The following KCNIP4 variants were observed in gnomAD, a reference collection of about 807,000 sequenced individuals.
KCNIP4 encodes potassium voltage-gated channel interacting protein 4.
Under a neutral mutation model 34.0 loss-of-function variants are expected in KCNIP4, and 12 were observed. The observed-to-expected ratio is 0.35, with a 90% confidence interval of 0.23 to 0.57. The LOEUF (loss-of-function observed/expected upper bound fraction) is 0.57. Among genes scored for constraint, KCNIP4 ranks in the 20% least tolerant of loss-of-function variants. The probability of loss-of-function intolerance (pLI) is 0.83; values close to 1 mark genes in which losing one functional copy is unlikely to be tolerated. For missense variants in KCNIP4, 238 were observed against 311.7 expected (o/e 0.76, Z 1.78); for synonymous variants, 124 against 102.2 (o/e 1.21, Z -1.29).
chr4:21,473,130 G>A (rs552792402), intron 1 of KCNIP4, among the ~76,000 whole-genome samples: 12 of 152,260 alleles, frequency 7.9e-5, no homozygotes, highest in African/African-American at 2.9e-4. Flanking sequence ...ACTGGATATC[G>A]AAATGAAGAT....
chr4:21,008,965 G>T (rs1423456105), intron 1 of KCNIP4, among the ~76,000 whole-genome samples: 3 of 151,992 alleles, frequency 2.0e-5, no homozygotes, highest in Admixed American at 1.3e-4. Context: ...AGGATCACAG[G>T]ATTTCTTCTG....
chr4:21,486,554 C>A (rs1731928656), intron 1 of KCNIP4, among the ~76,000 whole-genome samples: 2 of 152,182 alleles, frequency 1.3e-5, no homozygotes, highest in South Asian at 4.2e-4. Flanking sequence ...CTAATTCTAA[C>A]CCTCCATAAT....
Position 21,544,976 on chromosome 4 carries a change from G to A in KCNIP4, c.61+403595C>T, listed in dbSNP as rs543802785. On this transcript the variant is annotated intron_variant, in intron 1 of 8. Coordinates refer to ENST00000382152, the MANE Select transcript of KCNIP4 (RefSeq NM_025221.6). ...CTTGAATAGGGGCTGGGTAAAATAA[G>A]GCTGAGATCTGCTGGGCTGCATTCC... 7.2e-5 allele frequency among the ~76,000 whole-genome samples: 11 copies of A among 152,214 alleles called. No homozygotes were observed. In the East Asian group the frequency reaches 2.1e-3, roughly 29 times the overall value.
rs373626204 is a variant in KCNIP4 at position 21,520,270 on chromosome 4, ACACT to A, written c.61+428297_61+428300del. ...GCATCCTTCAATCCCAATCAAGTTG[ACACT>A]CAGTATTAACCATCACAAGGCCCCT... On this transcript the variant is annotated intron_variant, in intron 1 of 8. Transcript: ENST00000382152. 3.0e-3 allele frequency among the ~76,000 whole-genome samples: 456 copies of A among 152,196 alleles called. 3 individuals carry two copies. The highest frequency in any genetic ancestry group is 0.01 in the African/African-American group (434 of 41,512).
At chr4:20,835,806 G>A (rs533207615) in intron 3 of KCNIP4, among the ~76,000 whole-genome samples, 9 of 152,046 alleles carry the variant, frequency 5.9e-5, no homozygotes, top group African/African-American at 1.7e-4. Flanking sequence ...CTTAGTAAAT[G>A]GTAAGAATAC....
chr4:20,860,484 A>G (rs546457970), intron 2 of KCNIP4, among the ~76,000 whole-genome samples: 1 of 152,302 alleles, frequency 6.6e-6, no homozygotes, highest in African/African-American at 2.4e-5. Context: ...AAATGTATCC[A>G]TTTGTCATTC....
At chr4:21,427,593 G>T (rs553502554) in intron 1 of KCNIP4, among the ~76,000 whole-genome samples, 1 of 152,100 alleles carries the variant, frequency 6.6e-6, no homozygotes, top group African/African-American at 2.4e-5. Context: ...AGGGTAACTC[G>T]AAGGGACTGA....
intron 1 of KCNIP4, among the ~76,000 whole-genome samples, chr4:21,274,215 C>T (rs969686390): frequency 6.6e-6 from 1 of 152,174 alleles, no homozygotes; most frequent in Non-Finnish European, 1.5e-5. Flanking sequence ...CTTCCACTTG[C>T]TGTGAAGTAC....
intron 1 of KCNIP4, among the ~76,000 whole-genome samples, chr4:21,873,828 T>C (rs1725945328): frequency 6.6e-6 from 1 of 152,300 alleles, no homozygotes; most frequent in East Asian, 1.9e-4. Flanking sequence ...GGGTGAAAGA[T>C]TCAGCAGGCT....
intron 1 of KCNIP4, among the ~76,000 whole-genome samples, chr4:21,827,503 A>G (rs1026738495): frequency 2.6e-5 from 4 of 152,070 alleles, no homozygotes; most frequent in Non-Finnish European, 4.4e-5. Flanking sequence ...CAGAAAGGCC[A>G]AAAACAAAGT....
At chr4:21,308,604 C>T (rs977230339) in intron 1 of KCNIP4, among the ~76,000 whole-genome samples, 7 of 152,152 alleles carry the variant, frequency 4.6e-5, no homozygotes, top group Non-Finnish European at 1.0e-4. Context: ...ATGAAACAAA[C>T]ATCACCAGCA....
intron 1 of KCNIP4, among the ~76,000 whole-genome samples, chr4:21,175,452 C>T (rs926605220): frequency 1.3e-5 from 2 of 152,126 alleles, no homozygotes; most frequent in East Asian, 1.9e-4. Flanking sequence ...TTCACAATTT[C>T]GTGGATAGAA....
chr4:21,739,306 G>C (rs1181471398), intron 1 of KCNIP4, among the ~76,000 whole-genome samples: 2 of 152,046 alleles, frequency 1.3e-5, no homozygotes, highest in East Asian at 3.9e-4. Context: ...TGCTCTAAAT[G>C]TAGTTAAATA....
At chr4:21,356,327 C>T (rs1718590872) in intron 1 of KCNIP4, among the ~76,000 whole-genome samples, 2 of 152,088 alleles carry the variant, frequency 1.3e-5, no homozygotes, top group African/African-American at 2.4e-5. Context: ...CCAGGGCAAT[C>T]AGGCAAGAGA....
chr4:21,254,361 C>T (rs1055670478), intron 1 of KCNIP4, among the ~76,000 whole-genome samples: 3 of 152,084 alleles, frequency 2.0e-5, no homozygotes, highest in African/African-American at 7.2e-5. Context: ...GGAGCATCAC[C>T]TGAAGTACTG....
chr4:21,895,105 A>C (rs1193435254), intron 1 of KCNIP4, among the ~76,000 whole-genome samples: 1 of 152,202 alleles, frequency 6.6e-6, no homozygotes, highest in Non-Finnish European at 1.5e-5. Context: ...AATCAGTTGG[A>C]CAATTTTGTG....
intron 1 of KCNIP4, among the ~76,000 whole-genome samples, chr4:20,984,469 T>C (rs1436009113): frequency 1.3e-5 from 2 of 152,184 alleles, no homozygotes; most frequent in Non-Finnish European, 2.9e-5. Flanking sequence ...CCTCTCTGAA[T>C]GCTAGGAAAC....
At chr4:21,055,395 T>C (rs541752841) in intron 1 of KCNIP4, among the ~76,000 whole-genome samples, 1 of 152,328 alleles carries the variant, frequency 6.6e-6, no homozygotes, top group South Asian at 2.1e-4. Flanking sequence ...TGTTATCATA[T>C]GATCCAGCAA....
At chr4:21,291,079 A>G (rs1195426368) in intron 1 of KCNIP4, among the ~76,000 whole-genome samples, 1 of 151,692 alleles carries the variant, frequency 6.6e-6, no homozygotes, top group Non-Finnish European at 1.5e-5. Flanking sequence ...CCAAAGGCAC[A>G]GCATGTTCCA....
Sources: gnomAD v4.1 joint callset for allele counts (sites outside exome capture counted in the v4.1 genomes callset) on GRCh38, gnomAD v4.1.1 for gene constraint, MANE v1.5 for transcripts, NCBI Gene and HGNC (gene_info 2026-07-23, HGNC 2026-07-21) for gene names.